Variants in ITGB4 observed in about 807,000 individuals in gnomAD.
The protein encoded by ITGB4 is integrin subunit beta 4.
ITGB4 carries 159 observed loss-of-function variants against 207.6 expected under a neutral mutation model. The ratio of observed to expected loss-of-function variants is 0.77; its 90% CI spans 0.67 to 0.87. The LOEUF (loss-of-function observed/expected upper bound fraction) is 0.87, where lower values mean the gene tolerates loss of function less well. Ranked by LOEUF, ITGB4 falls within the 40% of genes least tolerant of loss-of-function variation. The pLI is 0.00. For missense variants in ITGB4, 2,278 were observed against 2,546.8 expected, an observed-to-expected ratio of 0.89 and a Z score of 2.27; for synonymous variants, 1,020 against 1,062.7, an observed-to-expected ratio of 0.96 and a Z score of 0.78.
Position 75,740,538 on chromosome 17 carries a change from G to C in ITGB4, c.2550+77G>C. The stretch of plus-strand genomic sequence containing the variant: ...GAGGTGGGCAGGGCAGAGCGAATGC[G>C]GTCGTGGTACCGAGATTCATTAACT... On this transcript the variant is annotated intron_variant, in intron 21 of 39. Transcript: ENST00000200181. The surrounding 1 kb of genome is among the most constrained non-coding windows in gnomAD (Gnocchi z 5.9). 8.0e-7 allele frequency: 1 copy of C among 1,254,446 alleles called. No individual in the cohort carries two copies. The highest frequency in any genetic ancestry group is 1.2e-6 in the Non-Finnish European group (1 of 862,838). The allele number at this position is 1,254,446 out of a possible 1,614,324, so 77.7% of individuals were successfully genotyped here. A position where few individuals can be genotyped will look rare whatever the true frequency, so the allele number is the denominator to read the frequency against.
intron 30 of ITGB4, 50 bp downstream of exon 30, chr17:75,751,161 G>A (rs1306688490): frequency 6.2e-7 from 1 of 1,605,828 alleles, no homozygotes; most frequent in South Asian, 1.1e-5. Context: ...AGCCATGGAA[G>A]GGGAGGGGAC....
Position 75,740,736 on chromosome 17 carries a change from G to A in ITGB4, c.2551-57G>A. 1 of 1,592,528 alleles carries A rather than the reference G, an allele frequency of 6.3e-7. No individual in the cohort carries two copies. Among genetic ancestry groups the A allele is most frequent in the Non-Finnish European group, 8.6e-7 (1 of 1,162,768 alleles). On this transcript the variant is annotated intron_variant, in intron 21 of 39. Coordinates refer to ENST00000200181, the MANE Select transcript of ITGB4 (RefSeq NM_000213.5). This position sits in a 1 kb window ranked among gnomAD's most constrained non-coding sequence, Gnocchi z 5.9. ...GCCTGGCTCCCTGGGTCCCCAGCCT[G>A]AGGGCTTGCCACGGGGTGGCCTAGG...
Position 75,721,479 on chromosome 17 carries a change from C to T in ITGB4, c.-144C>T, listed in dbSNP as rs1379648168. ...CCACCCCCCCAACCCCCGCGCCCGC[C>T]CTCGGACAGTCCCTGCTCGCCCGCG... On this transcript the variant is annotated 5_prime_UTR_variant, in exon 1 of 40. Coordinates refer to ENST00000200181, the MANE Select transcript of ITGB4 (RefSeq NM_000213.5). The T allele has an allele frequency of 6.6e-6, 1 of 152,002 alleles. No individual in the cohort carries two copies. The highest frequency in any genetic ancestry group is 1.9e-4 in the East Asian group (1 of 5,192). The allele number at this position is 152,002 out of a possible 1,614,324, so 9.4% of individuals were successfully genotyped here.
intron 13 of ITGB4, 108 bp downstream of exon 13, chr17:75,733,800 TC>T: frequency 1.6e-6 from 2 of 1,264,468 alleles, no homozygotes; most frequent in Non-Finnish European, 2.2e-6. Flanking sequence ...GGAATCAGAA[TC>T]CCCAAGTTCA....
chr17:75,753,693 C>T (rs1352884938), intron 32 of ITGB4, 72 bp from the exon 33 acceptor site: 2 of 1,062,478 alleles, frequency 1.9e-6, no homozygotes, highest in East Asian at 3.2e-5. Context: ...GAGCCTACGG[C>T]CTTCCCCCGC....
intron 33 of ITGB4, 143 bp from the exon 34 acceptor site, chr17:75,754,433 C>A: frequency 9.9e-7 from 1 of 1,013,360 alleles, no homozygotes; most frequent in Non-Finnish European, 1.5e-6. Context: ...GGCCTCTGTC[C>A]CTAGTGGTTT....
rs754204121 is a variant in ITGB4 at position 75,757,246 on chromosome 17, G to T, written c.5265G>T (p.Pro1755=). The T allele has an allele frequency of 5.0e-6, 8 of 1,611,600 alleles. No individual in the cohort carries two copies. Among genetic ancestry groups the T allele is most frequent in the South Asian group, 1.1e-5 (1 of 91,078 alleles). The part of the protein sequence containing the change: ...LGSRAGLFQH[P]LQSEYSSITT... The stretch of plus-strand genomic sequence containing the variant: ...GCCGTGCCGGGCTCTTCCAGCACCC[G>T]CTGCAAAGCGAGTACAGCAGCATCA... Residue 1755 remains proline (P), a synonymous_variant, in exon 39 of 40, where the codon CCG becomes CCT. Coordinates refer to ENST00000200181, the MANE Select transcript of ITGB4 (RefSeq NM_000213.5).
chr17:75,744,115 C>CTTTT lies in ITGB4; in HGVS notation c.3111+273_3111+276dup, dbSNP rs759492811. Among the ~76,000 whole-genome samples, 19 of 110,960 alleles carry CTTTT rather than the reference C, an allele frequency of 1.7e-4. No homozygotes were observed. The East Asian group carries it at 1.9e-3, about 11-fold the overall frequency. 72.8% of individuals were successfully genotyped at this position (110,960 alleles called of 152,430 possible). On this transcript the variant is annotated intron_variant, in intron 26 of 39. Coordinates refer to ENST00000200181, the MANE Select transcript of ITGB4 (RefSeq NM_000213.5). The stretch of plus-strand genomic sequence containing the variant: ...GGGACTCAGGCCAAGAGGGCTCGCT[C>CTTTT]TTTTTTTTTTTTTTTTTTTTTTGAG...
rs1208946800 is a variant in ITGB4 at position 75,727,097 on chromosome 17, G to A, written c.80-98G>A. 2.2e-6 allele frequency: 2 copies of A among 909,886 alleles called. No homozygotes were observed. The highest frequency in any genetic ancestry group is 1.7e-5 in the African/African-American group (1 of 60,360). The allele number at this position is 909,886 out of a possible 1,614,324, so 56.4% of individuals were successfully genotyped here. A position where few individuals can be genotyped will look rare whatever the true frequency, so the allele number is the denominator to read the frequency against. ...CAAAATAAATAAATAAATAACATAA[G>A]GAGGGAATCCCCATCTCTCCAGGTG... On this transcript the variant is annotated intron_variant, in intron 2 of 39. Coordinates refer to ENST00000200181, the MANE Select transcript of ITGB4 (RefSeq NM_000213.5). This position sits in a 1 kb window ranked among gnomAD's most constrained non-coding sequence, Gnocchi z 6.0.
In ITGB4 at chr17:75,721,555, C is replaced by G. The variant is rs571564589; in HGVS notation, c.-68C>G. On this transcript the variant is annotated 5_prime_UTR_variant, in exon 1 of 40. Transcript: ENST00000200181. ...AGCCCAGGCGCGGAGGGAGCGAGTC[C>G]GCCCCGAGGTAGGTCCAGGACGGGC... 1 of 152,064 alleles carries G rather than the reference C, an allele frequency of 6.6e-6. No homozygotes were observed. Among genetic ancestry groups the G allele is most frequent in the Non-Finnish European group, 1.5e-5 (1 of 68,026 alleles). 9.4% of individuals were successfully genotyped at this position (152,064 alleles called of 1,614,324 possible). A position where few individuals can be genotyped will look rare whatever the true frequency, so the allele number is the denominator to read the frequency against.
In ITGB4 at chr17:75,732,314, T is replaced by TGGCCC; in HGVS notation, c.1454+76_1454+80dup. 7.2e-7 allele frequency: 1 copy of TGGCCC among 1,393,878 alleles called. No individual in the cohort carries two copies. Among genetic ancestry groups the TGGCCC allele is most frequent in the Non-Finnish European group, 1.0e-6 (1 of 983,014 alleles). The allele number at this position is 1,393,878 out of a possible 1,614,324, so 86.3% of individuals were successfully genotyped here. A position where few individuals can be genotyped will look rare whatever the true frequency, so the allele number is the denominator to read the frequency against. ...GGAAAGCTGGGCTCCTGCAGGGGCC[T>TGGCCC]GGCCCTGGGTGCACCTTGTACACCT... On this transcript the variant is annotated intron_variant, in intron 12 of 39. Coordinates refer to ENST00000200181, the MANE Select transcript of ITGB4 (RefSeq NM_000213.5). This position sits in a 1 kb window ranked among gnomAD's most constrained non-coding sequence, Gnocchi z 5.3.
intron 18 of ITGB4, 77 bp downstream of exon 18, chr17:75,737,721 G>A (rs1467723327): frequency 8.3e-7 from 1 of 1,202,826 alleles, no homozygotes; most frequent in Non-Finnish European, 1.2e-6. Flanking sequence ...CTCCACCAGG[G>A]TCCCCAGTCC....
rs2061330501 is a variant in ITGB4 at position 75,750,017 on chromosome 17, G to A, written c.3317-94G>A. The A allele has an allele frequency of 8.6e-6, 13 of 1,512,966 alleles. No homozygotes were observed. The highest frequency in any genetic ancestry group is 1.1e-5 in the Non-Finnish European group (12 of 1,089,614). The allele number at this position is 1,512,966 out of a possible 1,614,324, so 93.7% of individuals were successfully genotyped here. A position where few individuals can be genotyped will look rare whatever the true frequency, so the allele number is the denominator to read the frequency against. On this transcript the variant is annotated intron_variant, in intron 27 of 39. Transcript: ENST00000200181. The surrounding 1 kb of genome is among the most constrained non-coding windows in gnomAD (Gnocchi z 5.5). ...GGGCAGGTCTGAGTTGAATGCGCTG[G>A]GTAGAGCGCCCTGGGTGTTGAAGTG...
In ITGB4 at chr17:75,736,059, C is replaced by T. The variant is rs150166497; in HGVS notation, c.1666C>T (p.Arg556Cys). The T allele has an allele frequency of 7.2e-4, 1,161 of 1,613,972 alleles. 3 individuals are homozygous for T. Among genetic ancestry groups the T allele is most frequent in the Non-Finnish European group, 9.6e-4 (1,130 of 1,179,998 alleles). ...TSGFLCNDRG[R>C]CSMGQCVCEP... ...CTTGTCCCTCTCTGCAGACCGAGGA[C>T]GCTGCTCCATGGGCCAGTGTGTGTG... The change falls in exon 14 of 40, where the codon CGC becomes TGC. Residue 556 changes from arginine to cysteine, a missense_variant. Coordinates refer to ENST00000200181, the MANE Select transcript of ITGB4 (RefSeq NM_000213.5).
chr17:75,756,545 G>A lies in ITGB4; in HGVS notation c.4825G>A (p.Gly1609Ser), dbSNP rs1239680100. 3 of 1,613,154 alleles carry A rather than the reference G, an allele frequency of 1.9e-6. No homozygotes were observed. Among genetic ancestry groups the A allele is most frequent in the Middle Eastern group, 1.6e-4 (1 of 6,084 alleles). The change falls in exon 36 of 40, where the codon GGC becomes AGC. Residue 1609 changes from glycine to serine, a missense_variant. Physicochemically the swap from Gly to Ser is moderately conservative, Grantham distance 56 (BLOSUM62 0). Transcript: ENST00000200181. ...GCGGGCCCAGAGCCAGGAAGGCTGGGGCCGAGAGCGTGAGGGTGTCATCAC... is the reference window on the plus strand; with the variant it reads ...GCGGGCCCAGAGCCAGGAAGGCTGGAGCCGAGAGCGTGAGGGTGTCATCAC... Reference protein sequence around the residue: ...RVRAQSQEGWGREREGVITIE... With the variant: ...RVRAQSQEGWSREREGVITIE...
At position 75,739,953 on chromosome 17, in the gene ITGB4, G is replaced by A. The variant is rs148267210; in HGVS notation, c.2328G>A (p.Thr776=). ...ENLMASDHLD[T]PMLRSGNLKG... Reference sequence around the variant, plus strand: ...TGATGGCCTCTGACCACTTGGACACGCCCATGCTGCGCAGCGGGAACCTCA... The same window carrying A: ...TGATGGCCTCTGACCACTTGGACACACCCATGCTGCGCAGCGGGAACCTCA... Residue 776 remains threonine, a synonymous_variant, in exon 20 of 40, where the codon ACG becomes ACA. Coordinates refer to ENST00000200181, the MANE Select transcript of ITGB4 (RefSeq NM_000213.5). This position sits in a 1 kb window ranked among gnomAD's most constrained non-coding sequence, Gnocchi z 5.4. The A allele has an allele frequency of 4.8e-5, 77 of 1,613,164 alleles. No homozygotes were observed. The highest frequency in any genetic ancestry group is 6.4e-5 in the Non-Finnish European group (76 of 1,180,036).
At position 75,740,315 on chromosome 17, in the gene ITGB4, G is replaced by C. The variant is rs770041004; in HGVS notation, c.2447-43G>C. On this transcript the variant is annotated intron_variant, in intron 20 of 39. Transcript: ENST00000200181. The surrounding 1 kb of genome is among the most constrained non-coding windows in gnomAD (Gnocchi z 5.9). ...CTCTGTGGTGCCTGTCATGCAGGGG[G>C]CTGACCACCTCCATCTCACCCCCTC... 6.5e-7 allele frequency: 1 copy of C among 1,533,680 alleles called. No homozygotes were observed. Among genetic ancestry groups the C allele is most frequent in the African/African-American group, 1.4e-5 (1 of 73,456 alleles).
At chr17:75,757,172 C>T in intron 38 of ITGB4, 28 bp from the exon 39 acceptor site, 2 of 1,612,676 alleles carry the variant, frequency 1.2e-6, no homozygotes, top group Admixed American at 3.3e-5. Context: ...TGGCACCACC[C>T]TCTGACTGGC....
At chr17:75,735,707 G>A (rs1169196655) in intron 13 of ITGB4, among the ~76,000 whole-genome samples, 1 of 152,142 alleles carries the variant, frequency 6.6e-6, no homozygotes, top group Non-Finnish European at 1.5e-5. Context: ...CACCTTGCCT[G>A]GACTTATTTC....
Sources: gnomAD v4.1 joint callset for allele counts (sites outside exome capture counted in the v4.1 genomes callset) on GRCh38, gnomAD v4.1.1 for gene constraint, Gnocchi (gnomAD v3.1) non-coding constraint, MANE v1.5 for transcripts, NCBI Gene and HGNC (gene_info 2026-07-23, HGNC 2026-07-21) for gene names.